The following RANBP3 variants were observed in gnomAD, a reference collection of about 807,000 sequenced individuals.
The protein encoded by RANBP3 is RAN binding protein 3, also known as ran-binding protein 3.
A neutral mutation model predicts 77.3 loss-of-function variants in RANBP3; 14 were observed. The observed-to-expected ratio is 0.18, with a 90% confidence interval of 0.12 to 0.28. The LOEUF is 0.28. Ranked by LOEUF, RANBP3 falls within the 10% of genes least tolerant of loss-of-function variation. The pLI, the probability that RANBP3 is intolerant of heterozygous loss-of-function variation, is 1.00. For missense variants in RANBP3, 586 were observed against 752.3 expected, an observed-to-expected ratio of 0.78 and a Z score of 2.59; for synonymous variants, 315 against 312.4, an observed-to-expected ratio of 1.01 and a Z score of -0.09.
intron 12 of RANBP3, 139 bp from the exon 13 acceptor site, chr19:5,923,442 C>T: frequency 1.3e-6 from 1 of 752,338 alleles, no homozygotes. Flanking sequence ...CCCGGCAACC[C>T]AAGTGGACCC....
Position 5,970,653 on chromosome 19 carries a change from T to C in RANBP3, c.22+7408A>G, listed in dbSNP as rs1169119320. The stretch of plus-strand genomic sequence containing the variant: ...CCACCAGCCCCAATGTCAAGAATAC[T>C]GAGGTGGAAAAACCCTGGTATAACT... On this transcript the variant is annotated intron_variant, in intron 1 of 16. Coordinates refer to ENST00000340578, the MANE Select transcript of RANBP3 (RefSeq NM_007322.3). 2.0e-5 allele frequency among the ~76,000 whole-genome samples: 3 copies of C among 152,162 alleles called. No homozygotes were observed. The East Asian group carries it at 5.8e-4, about 29-fold the overall frequency.
intron 3 of RANBP3, among the ~76,000 whole-genome samples, chr19:5,944,956 T>C (rs558028488): frequency 1.6e-4 from 24 of 152,314 alleles, no homozygotes; most frequent in African/African-American, 5.3e-4. Context: ...GAGATGGCCA[T>C]ACCCTCTCTG....
In RANBP3 at chr19:5,959,810, T is replaced by C. The variant is rs571405478; in HGVS notation, c.23-1837A>G. ...ACAAGCCCAGCCCTGACCTCTGCATTTGCCTCCCTGCCAGCTGCCAGGTGA... is the reference window on the plus strand; with the variant it reads ...ACAAGCCCAGCCCTGACCTCTGCATCTGCCTCCCTGCCAGCTGCCAGGTGA... On this transcript the variant is annotated intron_variant, in intron 1 of 16. Coordinates refer to ENST00000340578, the MANE Select transcript of RANBP3 (RefSeq NM_007322.3). This position sits in a 1 kb window ranked among gnomAD's most constrained non-coding sequence, Gnocchi z 5.1. Among the ~76,000 whole-genome samples, 31 of 152,174 alleles carry C rather than the reference T, an allele frequency of 2.0e-4. No homozygotes were observed. The highest frequency in any genetic ancestry group is 7.0e-4 in the African/African-American group (29 of 41,510).
chr19:5,929,507 C>T (rs1438386086), intron 8 of RANBP3, among the ~76,000 whole-genome samples: 2 of 152,228 alleles, frequency 1.3e-5, no homozygotes, highest in African/African-American at 4.8e-5. Flanking sequence ...TATGACCTGG[C>T]GGAGCCTGCT....
At chr19:5,932,068 C>A (rs2057999993) in intron 7 of RANBP3, among the ~76,000 whole-genome samples, 1 of 151,784 alleles carries the variant, frequency 6.6e-6, no homozygotes, top group African/African-American at 2.4e-5. Flanking sequence ...AATAAAATGA[C>A]CTTTCAAGTT....
chr19:5,976,189 G>A (rs750440135), intron 1 of RANBP3, among the ~76,000 whole-genome samples: 3 of 152,184 alleles, frequency 2.0e-5, no homozygotes, highest in Non-Finnish European at 2.9e-5. Flanking sequence ...AACTACAATG[G>A]GTGAAAGACC....
intron 5 of RANBP3, 76 bp from the exon 6 acceptor site, chr19:5,933,555 G>A (rs1425049089): frequency 1.6e-6 from 2 of 1,251,120 alleles, no homozygotes; most frequent in Non-Finnish European, 2.3e-6. Context: ...GGGCAGGAGA[G>A]GACTATGGTC....
intron 1 of RANBP3, among the ~76,000 whole-genome samples, chr19:5,961,089 A>G (rs1361779528): frequency 6.6e-6 from 1 of 151,724 alleles, no homozygotes; most frequent in Non-Finnish European, 1.5e-5. Flanking sequence ...CTCTACTCTC[A>G]CTCCCTTAGA....
intron 5 of RANBP3, chr19:5,935,595 G>A (rs2058053377): frequency 7.2e-6 from 3 of 414,118 alleles, no homozygotes; most frequent in Non-Finnish European, 4.9e-6. Context: ...TCCGCTCCGT[G>A]CAGCGCTGGC....
intron 9 of RANBP3, 156 bp from the exon 10 acceptor site, chr19:5,925,893 G>C (rs1259072389): frequency 1.6e-6 from 1 of 627,316 alleles, no homozygotes; most frequent in Non-Finnish European, 2.9e-6. Context: ...ATGTGCTGGG[G>C]GGCAGGGCTA....
intron 2 of RANBP3, among the ~76,000 whole-genome samples, chr19:5,953,721 A>G (rs924989004): frequency 3.9e-5 from 6 of 152,268 alleles, no homozygotes; most frequent in African/African-American, 1.4e-4. Flanking sequence ...TTAAGAAAGA[A>G]AGGTTTCATT....
chr19:5,938,974 C>CAG (rs1161864314), intron 5 of RANBP3, among the ~76,000 whole-genome samples: 1 of 152,080 alleles, frequency 6.6e-6, no homozygotes, highest in Non-Finnish European at 1.5e-5. Flanking sequence ...CACCTGAGGT[C>CAG]AGGAGTTGGA....
chr19:5,941,844 A>AG lies in RANBP3; in HGVS notation c.283-10dup, dbSNP rs1310465435. ...GAGCCGCCAGCTGACCTCTGAAACAAGGAGCACACAGCCGGGGTCAGAGGG... is the reference window on the plus strand; with the variant it reads ...GAGCCGCCAGCTGACCTCTGAAACAAGGGAGCACACAGCCGGGGTCAGAGGG... On this transcript the variant is annotated splice_polypyrimidine_tract_variant and intron_variant, in intron 3 of 16. Coordinates refer to ENST00000340578, the MANE Select transcript of RANBP3 (RefSeq NM_007322.3). 1.5e-5 allele frequency: 24 copies of AG among 1,612,012 alleles called. No homozygotes were observed. The East Asian group carries it at 5.3e-4, about 36-fold the overall frequency.
At chr19:5,940,044 T>A (rs1203229258) in intron 5 of RANBP3, among the ~76,000 whole-genome samples, 1 of 152,136 alleles carries the variant, frequency 6.6e-6, no homozygotes, top group African/African-American at 2.4e-5. Context: ...ACAAATGAAG[T>A]GGAATTCGTA....
At position 5,977,979 on chromosome 19, in the gene RANBP3, TC is replaced by T. The variant is rs960585246; in HGVS notation, c.22+81del. On this transcript the variant is annotated intron_variant, in intron 1 of 16. Coordinates refer to ENST00000340578, the MANE Select transcript of RANBP3 (RefSeq NM_007322.3). ...ACGAAACCCTTGCACTCTGCGGTGC[TC>T]CCCCCAAGGGCTTGTGGCCCCTAGT... 68 of 1,559,388 alleles carry T rather than the reference TC, an allele frequency of 4.4e-5. 1 individual carries two copies. In the African/African-American group the frequency reaches 8.9e-4, roughly 20 times the overall value.
chr19:5,925,851 T>G, intron 9 of RANBP3, 114 bp from the exon 10 acceptor site: 5 of 768,390 alleles, frequency 6.5e-6, no homozygotes, highest in Non-Finnish European at 8.7e-6. Context: ...CCATGAACCC[T>G]CTCCTGTACC....
At chr19:5,961,503 C>T (rs537880903) in intron 1 of RANBP3, among the ~76,000 whole-genome samples, 2 of 151,708 alleles carry the variant, frequency 1.3e-5, no homozygotes, top group African/African-American at 4.8e-5. Context: ...GAGGCCGAGG[C>T]GGGAGGATCA....
At chr19:5,925,819 A>G in intron 9 of RANBP3, 82 bp from the exon 10 acceptor site, 1 of 1,094,502 alleles carries the variant, frequency 9.1e-7, no homozygotes, top group Non-Finnish European at 1.4e-6. Context: ...AGACCCCCTG[A>G]GCTGCATGGA....
chr19:5,933,881 C>CA (rs1448084168), intron 5 of RANBP3: 1 of 164,452 alleles, frequency 6.1e-6, no homozygotes, highest in African/African-American at 2.4e-5. Flanking sequence ...GCTTGTCTGT[C>CA]AGAGGATGCG....
Sources: allele counts gnomAD v4.1 joint callset (sites outside exome capture counted in the v4.1 genomes callset), GRCh38; gene constraint gnomAD v4.1.1; non-coding constraint Gnocchi (gnomAD v3.1); transcripts MANE v1.5; gene names NCBI Gene and HGNC (gene_info 2026-07-23, HGNC 2026-07-21).